GALK2: variants seen among roughly 807,000 people sequenced by gnomAD.
GALK2 encodes galactokinase 2.
A neutral mutation model predicts 52.4 loss-of-function variants in GALK2; 36 were observed. The observed-to-expected ratio is 0.69, with a 90% CI of 0.53 to 0.91. The LOEUF (loss-of-function observed/expected upper bound fraction) is 0.91, where lower values mean the gene tolerates loss of function less well. Among genes scored for constraint, GALK2 ranks in the 40% least tolerant of loss-of-function variants. The probability of loss-of-function intolerance (pLI) is 0.00; values close to 1 mark genes in which losing one functional copy is unlikely to be tolerated. For missense variants in GALK2, 579 were observed against 559.1 expected, an observed-to-expected ratio of 1.04 and a Z score of -0.36; for synonymous variants, 176 against 199.1, an observed-to-expected ratio of 0.88 and a Z score of 0.98.
In GALK2 at chr15:49,229,926, G is replaced by A. The variant is rs371447684; in HGVS notation, c.267-5925G>A. Among the ~76,000 whole-genome samples, 86 of 152,278 alleles carry A rather than the reference G, an allele frequency of 5.6e-4. 2 individuals carry two copies. The South Asian group carries it at 6.8e-3, about 12-fold the overall frequency. ...ACCAGGGTTCTGCCAGTGGCTCATG[G>A]TTTGGCCTCAGCAGTGCAATGGAAG... is the stretch of plus-strand genomic sequence containing the variant. On this transcript the variant is annotated intron_variant, in intron 3 of 9. Transcript: ENST00000560031.
chr15:49,193,384 A>G (rs1351275931), intron 1 of GALK2, among the ~76,000 whole-genome samples: 2 of 149,320 alleles, frequency 1.3e-5, no homozygotes, highest in Non-Finnish European at 3.0e-5. Context: ...AATGTAAGGG[A>G]TATTATCTCT....
Position 49,365,691 on chromosome 15 carries a change from TG to T in GALK2, c.427-1799del, listed in dbSNP as rs2045037036. 1.1e-5 allele frequency: 10 copies of T among 913,190 alleles called. No homozygotes were observed. In the South Asian group the frequency reaches 1.3e-4, roughly 12 times the overall value. The allele number at this position is 913,190 out of a possible 1,614,324, so 56.6% of individuals were successfully genotyped here. A position where few individuals can be genotyped will look rare whatever the true frequency, so the allele number is the denominator to read the frequency against. On this transcript the variant is annotated intron_variant, in intron 3 of 3. Coordinates refer to the GALK2 transcript ENST00000558399. ...ATGACTTGAAGCTGGCCAACTTCAG[TG>T]TTTTAATTAAATTCAGACAGAAAGC...
chr15:49,184,684 C>T (rs1271749212), intron 1 of GALK2, among the ~76,000 whole-genome samples: 1 of 152,076 alleles, frequency 6.6e-6, no homozygotes, highest in Non-Finnish European at 1.5e-5. Context: ...TCTTATCACC[C>T]ATTGTTTTAA....
chr15:49,176,622 G>GC, intron 1 of GALK2, among the ~76,000 whole-genome samples: 1 of 152,236 alleles, frequency 6.6e-6, no homozygotes, highest in East Asian at 1.9e-4. Flanking sequence ...TATTCTGTTA[G>GC]CATAGTTCAT....
At chr15:49,322,468 A>G (rs1022852966) in intron 9 of GALK2, among the ~76,000 whole-genome samples, 1 of 152,204 alleles carries the variant, frequency 6.6e-6, no homozygotes, top group African/African-American at 2.4e-5. Context: ...CCAGCAGATA[A>G]TATTCTTCAA....
At chr15:49,256,416 C>T (rs903119934) in intron 5 of GALK2, among the ~76,000 whole-genome samples, 1 of 152,156 alleles carries the variant, frequency 6.6e-6, no homozygotes, top group African/African-American at 2.4e-5. Flanking sequence ...GTGTTTTAGC[C>T]TTTTCTTTCT....
intron 7 of GALK2, 151 bp downstream of exon 7, chr15:49,283,869 T>G: frequency 1.3e-6 from 1 of 791,190 alleles, no homozygotes; most frequent in Non-Finnish European, 2.0e-6. Context: ...TACAGAGAAA[T>G]CTGATTTCTA....
chr15:49,309,265 AT>A (rs1422170495), intron 8 of GALK2, among the ~76,000 whole-genome samples: 4 of 152,168 alleles, frequency 2.6e-5, no homozygotes, highest in Non-Finnish European at 5.9e-5. Context: ...ATCCTAAAAG[AT>A]TTTGTGAGCT....
At chr15:49,283,186 T>C (rs2032938420) in intron 6 of GALK2, among the ~76,000 whole-genome samples, 2 of 152,204 alleles carry the variant, frequency 1.3e-5, no homozygotes, top group Admixed American at 1.3e-4. Context: ...GCCCTACTTT[T>C]TTCATCTTTT....
intron 5 of GALK2, among the ~76,000 whole-genome samples, chr15:49,275,484 A>G (rs1595922619): frequency 1.3e-5 from 2 of 152,200 alleles, no homozygotes; most frequent in Admixed American, 1.3e-4. Context: ...TGAATGAATG[A>G]ATGGGTCTGT....
At chr15:49,167,134 G>C (rs1209797990), upstream of GALK2, among the ~76,000 whole-genome samples, 1 of 152,130 alleles carries the variant, frequency 6.6e-6, no homozygotes, top group Non-Finnish European at 1.5e-5. Flanking sequence ...TGTTTAGTTT[G>C]CTATAATATT....
intron 1 of GALK2, among the ~76,000 whole-genome samples, chr15:49,196,009 T>G (rs1249494735): frequency 6.6e-6 from 1 of 152,126 alleles, no homozygotes; most frequent in Non-Finnish European, 1.5e-5. Flanking sequence ...TATTTTCCCT[T>G]TGTTATTTTT....
At chr15:49,193,423 C>T (rs79723325) in intron 1 of GALK2, among the ~76,000 whole-genome samples, 22,877 of 150,614 alleles carry the variant, frequency 0.15, 2,243 homozygotes, top group Non-Finnish European at 0.21. Flanking sequence ...ATTTTCTGTG[C>T]GTTGTTTTTT....
rs144186346 is a variant in GALK2 at position 49,270,485 on chromosome 15, A to G, written c.505-11502A>G. ...CTCTGCAATGTCTGAAAACAAATGCAAGAGTGGTGTTCACATGACTCTTTC... is the reference window on the plus strand; with the variant it reads ...CTCTGCAATGTCTGAAAACAAATGCGAGAGTGGTGTTCACATGACTCTTTC... On this transcript the variant is annotated intron_variant, in intron 5 of 9. Transcript: ENST00000560031. 3.9e-5 allele frequency among the ~76,000 whole-genome samples: 6 copies of G among 152,364 alleles called. No individual in the cohort carries two copies. In the East Asian group the frequency reaches 1.2e-3, roughly 29 times the overall value.
intron 1 of GALK2, chr15:49,199,074 A>C (rs548374696): frequency 6.6e-6 from 1 of 152,206 alleles, no homozygotes; most frequent in South Asian, 2.1e-4. Context: ...ATTGAAGCCC[A>C]ACTTAGTGCA....
intron 3 of GALK2, among the ~76,000 whole-genome samples, chr15:49,222,224 C>T (rs1395758004): frequency 2.6e-5 from 4 of 151,440 alleles, no homozygotes; most frequent in African/African-American, 9.8e-5. Flanking sequence ...TATTGAAATG[C>T]TGCAAATTTT....
downstream of GALK2, among the ~76,000 whole-genome samples, chr15:49,332,416 T>C (rs1437679485): frequency 2.0e-5 from 3 of 152,180 alleles, no homozygotes; most frequent in Non-Finnish European, 2.9e-5. Flanking sequence ...GTAAGCTCAT[T>C]GTGAGCAGGG....
chr15:49,220,658 A>ACTGTTT (rs2089729999), intron 3 of GALK2, among the ~76,000 whole-genome samples: 2 of 152,080 alleles, frequency 1.3e-5, no homozygotes, highest in Admixed American at 6.6e-5. Flanking sequence ...AAATCTCCCT[A>ACTGTTT]CTGTTTTGTA....
intron 1 of GALK2, chr15:49,156,955 C>G: frequency 2.9e-6 from 1 of 340,630 alleles, no homozygotes; most frequent in South Asian, 2.5e-5. Flanking sequence ...TTAATGCTCT[C>G]ATTGTGAGAG....
Sources: allele counts gnomAD v4.1 joint callset (sites outside exome capture counted in the v4.1 genomes callset), GRCh38; gene constraint gnomAD v4.1.1; transcripts MANE v1.5; gene names NCBI Gene and HGNC (gene_info 2026-07-23, HGNC 2026-07-21).